Variants in ZNF292 observed in about 807,000 individuals in gnomAD.
The protein encoded by ZNF292 is 16 zinc-finger domain protein.
A neutral mutation model predicts 217.9 loss-of-function variants in ZNF292; 26 were observed. That is an observed-to-expected ratio of 0.12 (90% CI 0.09 to 0.17). The LOEUF (loss-of-function observed/expected upper bound fraction) is 0.17. Ranked by LOEUF, ZNF292 falls within the 10% of genes least tolerant of loss-of-function variation. The pLI is 1.00. For synonymous variants in ZNF292, 1,257 were observed against 1,124.1 expected (o/e 1.12, Z -2.37); for missense variants, 2,904 against 3,175.2 (o/e 0.91, Z 2.05).
At chr6:87,188,296 C>T (rs535887204) in intron 1 of ZNF292, among the ~76,000 whole-genome samples, 4 of 152,240 alleles carry the variant, frequency 2.6e-5, no homozygotes, top group South Asian at 4.1e-4. Flanking sequence ...AAATGGTCAG[C>T]GTGGCTAGGG....
Position 87,261,866 on chromosome 6 carries a change from T to G in ZNF292, c.*65T>G. ...TTAAATAGGAAGCCATCAAGCATGC[T>G]AGAATTGTGAAACTTTCATTATATT... On this transcript the variant is annotated 3_prime_UTR_variant, in exon 8 of 8. Transcript: ENST00000369577. 3 of 1,116,816 alleles carry G rather than the reference T, an allele frequency of 2.7e-6. No homozygotes were observed. Among genetic ancestry groups the G allele is most frequent in the Non-Finnish European group, 3.7e-6 (3 of 819,400 alleles). The allele number at this position is 1,116,816 out of a possible 1,614,324, so 69.2% of individuals were successfully genotyped here.
chr6:87,261,048 T>C lies in ZNF292; in HGVS notation c.7419T>C (p.Val2473=). The change falls in exon 8 of 8, where the codon GTT becomes GTC. Residue 2473 remains valine, a synonymous_variant. Transcript: ENST00000369577. Reference sequence around the variant, plus strand: ...CAGCTACAGTTTCACAAAAGGAAGTTGAAAAAAATGAAAAAGATGAAATGG... The same window carrying C: ...CAGCTACAGTTTCACAAAAGGAAGTCGAAAAAAATGAAAAAGATGAAATGG... ...RTTATVSQKE[V]EKNEKDEMDE... 1 of 1,602,264 alleles carries C rather than the reference T, an allele frequency of 6.2e-7. No homozygotes were observed. The highest frequency in any genetic ancestry group is 8.5e-7 in the Non-Finnish European group (1 of 1,174,088).
Position 87,159,607 on chromosome 6 carries a change from A to C in ZNF292, c.168+3848A>C, listed in dbSNP as rs150874045. ...AACCTCCGCCTCTTGGGTTCAAGCA[A>C]TTCTCCTGCCTCAGCCTCCTGAGTA... On this transcript the variant is annotated intron_variant, in intron 1 of 7. Coordinates refer to ENST00000369577, the MANE Select transcript of ZNF292 (RefSeq NM_015021.3). Among the ~76,000 whole-genome samples, 916 of 151,068 alleles carry C rather than the reference A, an allele frequency of 6.1e-3. 14 individuals carry two copies. Among genetic ancestry groups the C allele is most frequent in the African/African-American group, 0.021 (881 of 40,990 alleles).
rs1291368223 is a variant in ZNF292 at position 87,239,598 on chromosome 6, G to A, written c.742-3877G>A. ...ACGCTCCTCACTTCCCAGACGGGGC[G>A]GCTGCTGGACGGAGGGGCTCCTCAC... On this transcript the variant is annotated intron_variant, in intron 5 of 7. Transcript: ENST00000369577. 2.0e-5 allele frequency among the ~76,000 whole-genome samples: 3 copies of A among 147,188 alleles called. No homozygotes were observed. The East Asian group carries it at 6.1e-4, about 30-fold the overall frequency.
chr6:87,217,370 A>T (rs73754115), intron 3 of ZNF292, among the ~76,000 whole-genome samples: 1,685 of 152,176 alleles, frequency 0.011, 36 homozygotes, highest in African/African-American at 0.037. Context: ...ATGCTTAATA[A>T]CTGTTTGTTG....
chr6:87,171,086 G>C (rs1305299774), intron 1 of ZNF292, among the ~76,000 whole-genome samples: 1 of 152,070 alleles, frequency 6.6e-6, no homozygotes, highest in Non-Finnish European at 1.5e-5. Flanking sequence ...TTAAATTACT[G>C]ATTAATTTGT....
chr6:87,250,613 A>G (rs1774875710), intron 7 of ZNF292, among the ~76,000 whole-genome samples: 1 of 152,220 alleles, frequency 6.6e-6, no homozygotes. Flanking sequence ...AGATGTCCAT[A>G]GTTTGTATGC....
chr6:87,177,006 C>A (rs911603123), intron 1 of ZNF292, among the ~76,000 whole-genome samples: 2 of 152,034 alleles, frequency 1.3e-5, no homozygotes, highest in Non-Finnish European at 2.9e-5. Flanking sequence ...CCCGGCCCCC[C>A]ACTCCTCCCC....
At chr6:87,192,523 A>G (rs980357591) in intron 1 of ZNF292, among the ~76,000 whole-genome samples, 1 of 151,926 alleles carries the variant, frequency 6.6e-6, no homozygotes, top group Non-Finnish European at 1.5e-5. Context: ...TATCATGGAC[A>G]CTCTTCCACA....
intron 4 of ZNF292, among the ~76,000 whole-genome samples, chr6:87,225,897 T>C (rs556618773): frequency 1.3e-5 from 2 of 152,206 alleles, no homozygotes; most frequent in Non-Finnish European, 2.9e-5. Flanking sequence ...CTCACCATGC[T>C]CAGTTTTATT....
At chr6:87,225,779 T>C (rs902501579) in intron 4 of ZNF292, among the ~76,000 whole-genome samples, 2 of 152,220 alleles carry the variant, frequency 1.3e-5, no homozygotes, top group Non-Finnish European at 2.9e-5. Flanking sequence ...CTCTTAAATC[T>C]TAAGCTTATC....
At chr6:87,212,340 G>T (rs894684047) in intron 1 of ZNF292, among the ~76,000 whole-genome samples, 12 of 152,092 alleles carry the variant, frequency 7.9e-5, no homozygotes, top group Admixed American at 6.5e-4. Context: ...AGCCATGATT[G>T]ATCAGATCAT....
At chr6:87,209,519 G>A (rs1259110526) in intron 1 of ZNF292, among the ~76,000 whole-genome samples, 1 of 152,160 alleles carries the variant, frequency 6.6e-6, no homozygotes, top group Admixed American at 6.5e-5. Context: ...GGTCAAAACT[G>A]TAAGACATTA....
chr6:87,176,990 G>A (rs376262929), intron 1 of ZNF292, among the ~76,000 whole-genome samples: 2 of 151,664 alleles, frequency 1.3e-5, no homozygotes, highest in South Asian at 2.1e-4. Context: ...CTGATGCACC[G>A]CCTCCCCCGG....
intron 1 of ZNF292, among the ~76,000 whole-genome samples, chr6:87,200,483 C>G (rs553693718): frequency 6.6e-6 from 1 of 152,302 alleles, no homozygotes; most frequent in South Asian, 2.1e-4. Flanking sequence ...AATCTCTGCT[C>G]CCATTAAAGT....
rs765694567 is a variant in ZNF292 at position 87,259,247 on chromosome 6, C to T, written c.5618C>T (p.Pro1873Leu). Residue 1873 changes from proline (P) to leucine (L), a missense_variant, in exon 8 of 8, where the codon CCT becomes CTT. Pro to Leu is a moderately conservative substitution (Grantham distance 98). Around this residue, in one of 15 missense-constraint regions of ZNF292, gnomAD observed 622 missense variants for 573.1 expected, o/e 1.09. Coordinates refer to ENST00000369577, the MANE Select transcript of ZNF292 (RefSeq NM_015021.3). ...INTSVTLTPT[P>L]VKSTADITVI... ...ACATCAGTGACACTGACTCCCACGC[C>T]TGTTAAATCAACTGCAGATATCACA... 2 of 1,613,716 alleles carry T rather than the reference C, an allele frequency of 1.2e-6. No homozygotes were observed. The highest frequency in any genetic ancestry group is 1.7e-4 in the Middle Eastern group (1 of 6,058).
chr6:87,236,397 T>G (rs1276312455), intron 5 of ZNF292, among the ~76,000 whole-genome samples: 1 of 138,686 alleles, frequency 7.2e-6, no homozygotes, highest in African/African-American at 2.6e-5. Context: ...TTGTTTTTTT[T>G]TTTTTTTTAA....
rs1012129693 is a variant in ZNF292 at position 87,176,016 on chromosome 6, C to T, written c.168+20257C>T. 5.9e-5 allele frequency among the ~76,000 whole-genome samples: 9 copies of T among 152,132 alleles called. No individual in the cohort carries two copies. The East Asian group carries it at 1.4e-3, about 23-fold the overall frequency. On this transcript the variant is annotated intron_variant, in intron 1 of 7. Transcript: ENST00000369577. The stretch of plus-strand genomic sequence containing the variant: ...TCACCTTCTGGAAGGTAAATGATAG[C>T]TATTATTAATATATTAAAGAGGACT...
chr6:87,257,319 A>G lies in ZNF292; in HGVS notation c.3690A>G (p.Gln1230=), dbSNP rs1225992066. 6.2e-7 allele frequency: 1 copy of G among 1,613,724 alleles called. No individual in the cohort carries two copies. The highest frequency in any genetic ancestry group is 2.2e-5 in the East Asian group (1 of 44,874). ...KNEQGGMLCS[Q]MENLPSTALP... ...AACAAGGTGGTATGTTATGTTCCCAAATGGAAAATTTACCTAGTACTGCCT... is the reference window on the plus strand; with the variant it reads ...AACAAGGTGGTATGTTATGTTCCCAGATGGAAAATTTACCTAGTACTGCCT... The change falls in exon 8 of 8, where the codon CAA becomes CAG. Residue 1230 remains glutamine, a synonymous_variant. Transcript: ENST00000369577.
Sources: allele counts gnomAD v4.1 joint callset (sites outside exome capture counted in the v4.1 genomes callset), GRCh38; gene constraint gnomAD v4.1.1; regional missense constraint gnomAD v4.1.1; transcripts MANE v1.5; gene names NCBI Gene and HGNC (gene_info 2026-07-23, HGNC 2026-07-21).